PDK3: variants seen among roughly 807,000 people sequenced by gnomAD.
PDK3 encodes pyruvate dehydrogenase kinase, isozyme 3.
Under a neutral mutation model 32.0 loss-of-function variants are expected in PDK3, and 12 were observed. The ratio of observed to expected loss-of-function variants is 0.37; its 90% CI spans 0.24 to 0.61. The LOEUF (loss-of-function observed/expected upper bound fraction) is 0.61, where lower values mean the gene tolerates loss of function less well. Ranked by LOEUF, PDK3 falls within the 20% of genes least tolerant of loss-of-function variation. PDK3 has a pLI of 0.65. For missense variants in PDK3, 188 were observed against 316.9 expected, an observed-to-expected ratio of 0.59 and a Z score of 3.09; for synonymous variants, 122 against 116.3, an observed-to-expected ratio of 1.05 and a Z score of -0.31.
intron 1 of PDK3, among the ~76,000 whole-genome samples, chrX:24,478,158 A>G (rs1034793503): frequency 1.8e-5 from 2 of 111,704 alleles, no homozygotes; most frequent in African/African-American, 6.5e-5. Context: ...TGAAACTGGC[A>G]TTGAGGCCGG....
chrX:24,523,163 T>C (rs890900894), intron 6 of PDK3, among the ~76,000 whole-genome samples: 1 of 111,451 alleles, frequency 9.0e-6, no homozygotes, highest in African/African-American at 3.3e-5. Flanking sequence ...CATAGCTGGC[T>C]TCTCACTGTT....
At position 24,498,808 on chromosome X, in the gene PDK3, CTTT is replaced by C. The variant is rs374771377; in HGVS notation, c.249-11_249-9del. On this transcript the variant is annotated intron_variant, in intron 2 of 10. Transcript: ENST00000379162. The stretch of plus-strand genomic sequence containing the variant: ...AACTAACATAGTAACTCTTCTTTTT[CTTT>C]TTTTTTTTTCCTTTTAGGTATATGC... 35 of 793,683 alleles carry C rather than the reference CTTT, an allele frequency of 4.4e-5. No individual in the cohort carries two copies. The highest frequency in any genetic ancestry group is 1.8e-4 in the Admixed American group (5 of 27,171). The allele number at this position is 793,683 out of a possible 1,213,427, so 65.4% of individuals were successfully genotyped here.
intron 6 of PDK3, among the ~76,000 whole-genome samples, chrX:24,524,743 TA>T (rs1430636859): frequency 9.8e-5 from 11 of 111,967 alleles, no homozygotes; most frequent in Admixed American, 5.7e-4. Flanking sequence ...GCAGAAGTAG[TA>T]AAGAGTGGCT....
intron 5 of PDK3, 35 bp downstream of exon 5, chrX:24,505,333 T>A (rs746087513): frequency 9.5e-7 from 1 of 1,054,743 alleles, no homozygotes; most frequent in Admixed American, 2.2e-5. Context: ...CGATCGTAGT[T>A]CAAATTGGAT....
At chrX:24,480,860 A>G (rs1034018610) in intron 1 of PDK3, among the ~76,000 whole-genome samples, 4 of 111,579 alleles carry the variant, frequency 3.6e-5, no homozygotes, top group Non-Finnish European at 5.6e-5. Flanking sequence ...GATGAATCAT[A>G]TAATTTTGTG....
exon 12 of PDK3, among the ~76,000 whole-genome samples, chrX:24,541,542 G>A (rs1366571740): frequency 8.9e-6 from 1 of 112,173 alleles, no homozygotes; most frequent in African/African-American, 3.2e-5. Context: ...TTACTAGCAC[G>A]CTTTTTGGCT....
chrX:24,537,984 C>T (rs971819369), downstream of PDK3, among the ~76,000 whole-genome samples: 2 of 112,073 alleles, frequency 1.8e-5, no homozygotes, highest in African/African-American at 6.5e-5. Context: ...CTGTTGATTC[C>T]ATTTTCAGTC....
Position 24,534,227 on chromosome X carries a change from C to T in PDK3, c.*155C>T. On this transcript the variant is annotated 3_prime_UTR_variant, in exon 11 of 11. Coordinates refer to ENST00000379162, the MANE Select transcript of PDK3 (RefSeq NM_005391.5). ...TTTATTTAAAAAGCAATTAAGTTTG[C>T]AGTTTGTCCTCATAAACGTTGTAGG... The T allele has an allele frequency of 1.0e-6, 1 of 967,179 alleles. No homozygotes were observed. The allele number at this position is 967,179 out of a possible 1,213,427, so 79.7% of individuals were successfully genotyped here.
At chrX:24,542,391 G>GT (rs1362794772) in exon 12 of PDK3, among the ~76,000 whole-genome samples, 2 of 112,583 alleles carry the variant, frequency 1.8e-5, no homozygotes, top group Non-Finnish European at 3.7e-5. Flanking sequence ...AGGTATATCG[G>GT]TTTTTTGTAT....
chrX:24,489,081 C>T (rs995368202), intron 1 of PDK3, among the ~76,000 whole-genome samples: 3 of 111,264 alleles, frequency 2.7e-5, no homozygotes, highest in Admixed American at 9.5e-5. Context: ...CATTTAAAAC[C>T]AAAATGTTTT....
chrX:24,550,101 CT>C (rs1923070813), exon 12 of PDK3: 1 of 111,964 alleles, frequency 8.9e-6, no homozygotes, highest in African/African-American at 3.2e-5. Context: ...ACCTGGTTCG[CT>C]TTGTGCCTCT....
downstream of PDK3, among the ~76,000 whole-genome samples, chrX:24,537,138 G>A (rs1922794976): frequency 1.2e-5 from 1 of 83,785 alleles, no homozygotes; most frequent in South Asian, 6.4e-4. Context: ...TTTTTTTTGA[G>A]ACAGAGTCTC....
intron 3 of PDK3, chrX:24,499,156 G>T: frequency 4.9e-6 from 1 of 203,203 alleles, no homozygotes. Context: ...AGGTGAACTG[G>T]GCAGTCACTA....
chrX:24,548,972 C>A (rs1923049443), exon 12 of PDK3: 1 of 111,933 alleles, frequency 8.9e-6, no homozygotes, highest in Admixed American at 9.5e-5. Flanking sequence ...GTCATCTGAA[C>A]TGTTACAACC....
chrX:24,521,126 A>G (rs964119538), intron 6 of PDK3, among the ~76,000 whole-genome samples: 6 of 109,745 alleles, frequency 5.5e-5, no homozygotes, highest in African/African-American at 2.0e-4. Context: ...ACAAAATAGA[A>G]AAATTAGCTG....
chrX:24,525,915 G>A (rs897520272), intron 6 of PDK3, among the ~76,000 whole-genome samples: 4 of 112,117 alleles, frequency 3.6e-5, no homozygotes, highest in African/African-American at 1.3e-4. Context: ...AGGATGTTAT[G>A]GCATAGGTGA....
exon 12 of PDK3, chrX:24,546,841 T>A (rs1415151062): frequency 3.6e-5 from 4 of 112,439 alleles, no homozygotes; most frequent in Non-Finnish European, 7.5e-5. Flanking sequence ...TATTTGCATA[T>A]AAACTAAAGC....
At chrX:24,539,482 C>T (rs1922845010) in exon 12 of PDK3, 1 of 218,243 alleles carries the variant, frequency 4.6e-6, no homozygotes, top group East Asian at 8.5e-5. Context: ...CTGATGTCTT[C>T]AGTCCTTCCA....
At chrX:24,473,598 G>T (rs1921031600) in intron 1 of PDK3, among the ~76,000 whole-genome samples, 1 of 108,166 alleles carries the variant, frequency 9.2e-6, no homozygotes, top group Non-Finnish European at 1.9e-5. Flanking sequence ...CACCACGCCT[G>T]GCTTATTTTT....
Sources: gnomAD v4.1 joint callset for allele counts (sites outside exome capture counted in the v4.1 genomes callset) on GRCh38, gnomAD v4.1.1 for gene constraint, MANE v1.5 for transcripts, NCBI Gene and HGNC (gene_info 2026-07-23, HGNC 2026-07-21) for gene names.